The following SLC23A2 variants were observed in gnomAD, a reference collection of about 807,000 sequenced individuals.
The protein encoded by SLC23A2 is solute carrier family 23 member 2, also known as Na(+)/L-ascorbic acid transporter 2.
Under a neutral mutation model 73.3 loss-of-function variants are expected in SLC23A2, and 36 were observed. That is an observed-to-expected ratio of 0.49 (90% CI 0.38 to 0.65). The LOEUF is 0.65. Ranked by LOEUF, SLC23A2 falls within the 30% of genes least tolerant of loss-of-function variation. The probability of loss-of-function intolerance (pLI) is 0.00; values close to 1 mark genes in which losing one functional copy is unlikely to be tolerated. For missense variants in SLC23A2, 507 were observed against 841.6 expected (o/e 0.60, Z 4.92); for synonymous variants, 343 against 327.3 (o/e 1.05, Z -0.52).
rs765084319 is a variant in SLC23A2 at position 4,902,523 on chromosome 20, A to G, written c.243T>C (p.Ser81=). ...SLAETLDSTG[S]LDPQRSDMIY... The stretch of plus-strand genomic sequence containing the variant: ...TCATGTCTGATCGCTGGGGGTCCAG[A>G]CTGCCAGTGCTATCCAGGGTCTCAG... The change falls in exon 5 of 17, where the codon AGT becomes AGC. Residue 81 remains serine (S), a synonymous_variant. Transcript: ENST00000338244. The surrounding 1 kb of genome is among the most constrained non-coding windows in gnomAD (Gnocchi z 4.0). 1 of 1,612,690 alleles carries G rather than the reference A, an allele frequency of 6.2e-7. No individual in the cohort carries two copies. The highest frequency in any genetic ancestry group is 8.5e-7 in the Non-Finnish European group (1 of 1,179,144).
At chr20:4,870,627 T>C (rs934013212) in intron 11 of SLC23A2, among the ~76,000 whole-genome samples, 1 of 151,400 alleles carries the variant, frequency 6.6e-6, no homozygotes, top group African/African-American at 2.4e-5. Context: ...TGGAAGAGGC[T>C]GTAACTTCTC....
At chr20:4,919,874 A>G (rs1932446278) in intron 3 of SLC23A2, among the ~76,000 whole-genome samples, 1 of 152,252 alleles carries the variant, frequency 6.6e-6, no homozygotes, top group Admixed American at 6.5e-5. Context: ...GAAAAGGGCT[A>G]ACATCCCAAC....
Position 4,883,741 on chromosome 20 carries a change from A to T in SLC23A2, c.725T>A (p.Ile242Asn). The change falls in exon 9 of 17, where the codon ATC (isoleucine) becomes AAC (asparagine). Residue 242 changes from isoleucine (I) to asparagine (N), a missense_variant. By Grantham distance (149) the Ile-to-Asn change is moderately radical. Coordinates refer to ENST00000338244, the MANE Select transcript of SLC23A2 (RefSeq NM_005116.6). This position sits in a 1 kb window ranked among gnomAD's most constrained non-coding sequence, Gnocchi z 4.5. ...CGTGGGTGTAATGGTCAAGGGACCG[A>T]TGTACTTCAGTAGAGCCCCAGGCAG... ...LGLPGALLKYIGPLTITPTVA... is the reference protein window; with the variant it reads ...LGLPGALLKYNGPLTITPTVA... 6.2e-7 allele frequency: 1 copy of T among 1,613,982 alleles called. No individual in the cohort carries two copies. Among genetic ancestry groups the T allele is most frequent in the Non-Finnish European group, 8.5e-7 (1 of 1,179,888 alleles).
At chr20:4,879,135 G>A (rs1004129426) in intron 9 of SLC23A2, among the ~76,000 whole-genome samples, 8 of 152,132 alleles carry the variant, frequency 5.3e-5, no homozygotes, top group African/African-American at 1.7e-4. Flanking sequence ...AGCCAGGCAC[G>A]GTGGCTCACG....
chr20:4,958,835 G>A (rs2087333886), intron 2 of SLC23A2, among the ~76,000 whole-genome samples: 1 of 152,068 alleles, frequency 6.6e-6, no homozygotes, highest in African/African-American at 2.4e-5. Flanking sequence ...GATCATCCAA[G>A]AGCAAGAAGG....
chr20:4,893,516 C>T (rs1931407255), intron 6 of SLC23A2, among the ~76,000 whole-genome samples: 1 of 152,118 alleles, frequency 6.6e-6, no homozygotes, highest in Admixed American at 6.5e-5. Flanking sequence ...ATCATGAGTT[C>T]GAAGTCCCCA....
chr20:4,902,589 C>A lies in SLC23A2; in HGVS notation c.208-31G>T. 1.5e-6 allele frequency: 2 copies of A among 1,327,002 alleles called. No homozygotes were observed. Among genetic ancestry groups the A allele is most frequent in the Non-Finnish European group, 2.1e-6 (2 of 931,014 alleles). 82.2% of individuals were successfully genotyped at this position (1,327,002 alleles called of 1,614,324 possible). A position where few individuals can be genotyped will look rare whatever the true frequency, so the allele number is the denominator to read the frequency against. On this transcript the variant is annotated intron_variant, in intron 4 of 16. Coordinates refer to ENST00000338244, the MANE Select transcript of SLC23A2 (RefSeq NM_005116.6). The surrounding 1 kb of genome is among the most constrained non-coding windows in gnomAD (Gnocchi z 4.0). The stretch of plus-strand genomic sequence containing the variant: ...AGCCAGAAGGAGAAAAGAAGGTGCT[C>A]ATTAAACGTGAAGACCAGTGTTAGC...
At chr20:4,978,314 C>T (rs552481514) in intron 1 of SLC23A2, among the ~76,000 whole-genome samples, 1 of 152,190 alleles carries the variant, frequency 6.6e-6, no homozygotes, top group Non-Finnish European at 1.5e-5. Flanking sequence ...GCACTGTTGA[C>T]CTTCAACTAA....
intron 1 of SLC23A2, among the ~76,000 whole-genome samples, chr20:4,980,686 A>T (rs1259347895): frequency 6.6e-6 from 1 of 151,776 alleles, no homozygotes; most frequent in Non-Finnish European, 1.5e-5. Flanking sequence ...GGCTGCCACC[A>T]CACCCGGCTA....
At position 4,999,107 on chromosome 20, in the gene SLC23A2, G is replaced by A. The variant is rs190600453; in HGVS notation, c.-282+2299C>T. Among the ~76,000 whole-genome samples, 28 of 151,970 alleles carry A rather than the reference G, an allele frequency of 1.8e-4. 1 individual carries two copies. The East Asian group carries it at 2.7e-3, about 15-fold the overall frequency. On this transcript the variant is annotated intron_variant, in intron 1 of 16. Transcript: ENST00000338244. ...GGCATGAGCCACCATGCCCAGCCCC[G>A]GCCTACTGCTTTTAATTACCTTAAC...
chr20:4,877,509 T>C (rs1292871562), intron 9 of SLC23A2, among the ~76,000 whole-genome samples: 1 of 152,224 alleles, frequency 6.6e-6, no homozygotes, highest in African/African-American at 2.4e-5. Context: ...TTGTACTTAT[T>C]TGCATAAAAA....
chr20:4,872,278 C>T lies in SLC23A2; in HGVS notation c.1102+1658G>A, dbSNP rs1002913655. On this transcript the variant is annotated intron_variant, in intron 11 of 16. Transcript: ENST00000338244. The surrounding 1 kb of genome is among the most constrained non-coding windows in gnomAD (Gnocchi z 4.4). ...CACTGGAGAGTACTACATATGTATA[C>T]AGTAGTACGACTATATCCCTGGAGG... Among the ~76,000 whole-genome samples, 5 of 152,084 alleles carry T rather than the reference C, an allele frequency of 3.3e-5. No individual in the cohort carries two copies. The highest frequency in any genetic ancestry group is 4.4e-5 in the Non-Finnish European group (3 of 68,024).
chr20:4,949,274 C>T lies in SLC23A2; in HGVS notation c.-154-16558G>A, dbSNP rs1480675624. Among the ~76,000 whole-genome samples the T allele has an allele frequency of 3.9e-4, 53 of 136,360 alleles. 1 individual carries two copies. Among genetic ancestry groups the T allele is most frequent in the Admixed American group, 3.6e-3 (44 of 12,330 alleles). 89.5% of individuals were successfully genotyped at this position (136,360 alleles called of 152,430 possible). A position where few individuals can be genotyped will look rare whatever the true frequency, so the allele number is the denominator to read the frequency against. On this transcript the variant is annotated intron_variant, in intron 2 of 16. Coordinates refer to ENST00000338244, the MANE Select transcript of SLC23A2 (RefSeq NM_005116.6). ...TTGCACTCCAGCCTGGGTGACAGAG[C>T]GAGACTCCATCTCAAAAAAAAAAAA...
intron 2 of SLC23A2, among the ~76,000 whole-genome samples, chr20:4,941,104 C>T (rs1486148244): frequency 1.3e-5 from 2 of 151,714 alleles, no homozygotes; most frequent in South Asian, 2.1e-4. Context: ...TGCAGTAAGC[C>T]GAGATTGCAC....
intron 2 of SLC23A2, among the ~76,000 whole-genome samples, chr20:4,965,946 G>C (rs2087467523): frequency 7.2e-6 from 1 of 138,912 alleles, no homozygotes; most frequent in South Asian, 2.3e-4. Flanking sequence ...CACCCTGGGT[G>C]ACTGAGTGAG....
At chr20:5,002,262 C>G (rs1294812747), upstream of SLC23A2, among the ~76,000 whole-genome samples, 2 of 152,166 alleles carry the variant, frequency 1.3e-5, no homozygotes, top group Non-Finnish European at 2.9e-5. Context: ...GGCCCCACCC[C>G]CAGAGTTGCT....
intron 1 of SLC23A2, among the ~76,000 whole-genome samples, 175 bp downstream of exon 1, chr20:5,001,231 G>T (rs2088118197): frequency 6.7e-6 from 1 of 150,030 alleles, no homozygotes; most frequent in Non-Finnish European, 1.5e-5. Flanking sequence ...CGGCGGGCGC[G>T]GGGTCCCGGG....
intron 1 of SLC23A2, 80 bp downstream of exon 1, chr20:5,001,326 G>T (rs902826777): frequency 6.8e-6 from 1 of 146,462 alleles, no homozygotes; most frequent in African/African-American, 2.4e-5. Flanking sequence ...CCGGCCTCGT[G>T]GGCGCGGCGA....
intron 6 of SLC23A2, among the ~76,000 whole-genome samples, chr20:4,897,384 G>A (rs975493024): frequency 4.6e-5 from 7 of 152,136 alleles, no homozygotes; most frequent in Non-Finnish European, 8.8e-5. Flanking sequence ...AGCAGGGGTG[G>A]GGCTGCCATT....
Sources: allele counts gnomAD v4.1 joint callset (sites outside exome capture counted in the v4.1 genomes callset), GRCh38; gene constraint gnomAD v4.1.1; non-coding constraint Gnocchi (gnomAD v3.1); transcripts MANE v1.5; gene names NCBI Gene and HGNC (gene_info 2026-07-23, HGNC 2026-07-21).